The following PRKG2 variants were observed in gnomAD, a reference collection of about 807,000 sequenced individuals.
PRKG2 encodes protein kinase cGMP-dependent 2.
Under a neutral mutation model 97.2 loss-of-function variants are expected in PRKG2, and 33 were observed. That is an observed-to-expected ratio of 0.34 (90% CI 0.26 to 0.45). The LOEUF is 0.45. PRKG2 is among the 20% of genes least tolerant of loss of function. PRKG2 has a pLI of 1.00. For synonymous variants in PRKG2, 330 were observed against 321.8 expected, an observed-to-expected ratio of 1.03 and a Z score of -0.27; for missense variants, 638 against 900.0, an observed-to-expected ratio of 0.71 and a Z score of 3.73.
chr4:81,200,409 G>A (rs1013094777), intron 2 of PRKG2, among the ~76,000 whole-genome samples: 1 of 152,064 alleles, frequency 6.6e-6, no homozygotes, highest in Admixed American at 6.6e-5. Flanking sequence ...AGTAGGCATC[G>A]ATGCAATGGG....
chr4:81,200,953 A>C (rs1400315014), intron 2 of PRKG2, among the ~76,000 whole-genome samples: 5 of 152,194 alleles, frequency 3.3e-5, no homozygotes, highest in African/African-American at 1.2e-4. Context: ...ACAAAGAGCT[A>C]TGATATACTG....
chr4:81,126,388 A>ACTGGGATTATAAT (rs1745563531), intron 14 of PRKG2, among the ~76,000 whole-genome samples: 1 of 152,188 alleles, frequency 6.6e-6, no homozygotes, highest in Admixed American at 6.5e-5. Context: ...TTGGGTATAT[A>ACTGGGATTATAAT]CCCAGTAATG....
At chr4:81,187,820 AACAG>A (rs1370604408) in intron 2 of PRKG2, among the ~76,000 whole-genome samples, 1 of 152,264 alleles carries the variant, frequency 6.6e-6, no homozygotes, top group South Asian at 2.1e-4. Context: ...ATACACCAAT[AACAG>A]ACAAACAGAA....
chr4:81,134,994 T>A (rs1420198413), intron 14 of PRKG2, among the ~76,000 whole-genome samples, 161 bp downstream of exon 14: 1 of 152,168 alleles, frequency 6.6e-6, no homozygotes, highest in African/African-American at 2.4e-5. Context: ...AATAATGTAC[T>A]CATAACATTG....
rs1454642992 is a variant in PRKG2, at chr4:81,204,736, C to T, written c.312G>A (p.Glu104=). Residue 104 remains glutamate, a synonymous_variant, in exon 2 of 19, where the codon GAG becomes GAA. Transcript: ENST00000264399. Reference sequence around the variant, plus strand: ...CCAATCCAGAGGTCTTCCGGTGGACCTCAAGAGGCACTTTATCTGGAGAGG... The same window carrying T: ...CCAATCCAGAGGTCTTCCGGTGGACTTCAAGAGGCACTTTATCTGGAGAGG... The part of the protein sequence containing the change: ...LQASPDKVPL[E]VHRKTSGLVS... The T allele has an allele frequency of 6.2e-7, 1 of 1,614,172 alleles. No homozygotes were observed. Among genetic ancestry groups the T allele is most frequent in the Admixed American group, 1.7e-5 (1 of 60,032 alleles).
intron 7 of PRKG2, 136 bp from the exon 8 acceptor site, chr4:81,152,190 T>C (rs1174391538): frequency 1.5e-6 from 1 of 651,972 alleles, no homozygotes; most frequent in Non-Finnish European, 2.6e-6. Flanking sequence ...TTTAATTTTA[T>C]GGTAATTAGG....
intron 3 of PRKG2, among the ~76,000 whole-genome samples, chr4:81,172,132 G>C (rs957332455): frequency 3.9e-5 from 6 of 151,968 alleles, no homozygotes; most frequent in Admixed American, 3.3e-4. Context: ...CTAGTGCATA[G>C]TAAATGCTGT....
At chr4:81,109,070 G>C (rs1005662668) in intron 15 of PRKG2, among the ~76,000 whole-genome samples, 1 of 152,236 alleles carries the variant, frequency 6.6e-6, no homozygotes, top group South Asian at 2.1e-4. Context: ...AATAGAATTC[G>C]TTGTGCCCAA....
chr4:81,167,221 T>C lies in PRKG2; in HGVS notation c.852A>G (p.Val284=). 1 of 1,586,404 alleles carries C rather than the reference T, an allele frequency of 6.3e-7. No individual in the cohort carries two copies. The highest frequency in any genetic ancestry group is 8.6e-7 in the Non-Finnish European group (1 of 1,165,450). The change falls in exon 6 of 19, where the codon GTA becomes GTG. Residue 284 remains valine (V), a synonymous_variant. Coordinates refer to ENST00000264399, the MANE Select transcript of PRKG2 (RefSeq NM_006259.3). ...DEQYRNFLRS[V]SLLKNLPEDK... ...CTTCAGGTAAATTCTTCAGCAAGGA[T>C]ACACTTCAAAATTAAAAAGAAACCT...
chr4:81,149,031 T>G (rs889023842), intron 8 of PRKG2, 79 bp from the exon 9 acceptor site: 2 of 1,386,122 alleles, frequency 1.4e-6, no homozygotes, highest in African/African-American at 2.8e-5. Flanking sequence ...ATGTACTAAC[T>G]TTGTATGAAA....
chr4:81,092,004 G>T (rs1741587809), intron 18 of PRKG2, among the ~76,000 whole-genome samples: 1 of 151,900 alleles, frequency 6.6e-6, no homozygotes, highest in Admixed American at 6.6e-5. Flanking sequence ...TATTTTGGAG[G>T]TATTATGATA....
intron 1 of PRKG2, among the ~76,000 whole-genome samples, chr4:81,210,375 T>C (rs896409938): frequency 6.6e-6 from 1 of 151,792 alleles, no homozygotes; most frequent in African/African-American, 2.4e-5. Context: ...ACAACCCAAC[T>C]GAAAAATGGG....
intron 2 of PRKG2, among the ~76,000 whole-genome samples, chr4:81,194,300 T>C (rs753977698): frequency 3.3e-5 from 5 of 152,024 alleles, no homozygotes; most frequent in Non-Finnish European, 7.4e-5. Flanking sequence ...AGAGTGGAGT[T>C]GGAAAACGTC....
chr4:81,118,434 G>T (rs1343776828), intron 14 of PRKG2, among the ~76,000 whole-genome samples: 4 of 152,192 alleles, frequency 2.6e-5, no homozygotes, highest in African/African-American at 7.2e-5. Flanking sequence ...CAAAGTGGCT[G>T]AACCATTTGC....
intron 17 of PRKG2, 51 bp from the exon 18 acceptor site, chr4:81,092,503 A>AGGAAGGAAGGAG: frequency 9.1e-7 from 1 of 1,093,020 alleles, no homozygotes; most frequent in Non-Finnish European, 1.4e-6. Context: ...GAAGGAAGGA[A>AGGAAGGAAGGAG]GGAAGGAAGG....
chr4:81,175,447 G>A (rs1423443964), intron 2 of PRKG2: 4 of 152,152 alleles, frequency 2.6e-5, no homozygotes, highest in Non-Finnish European at 5.9e-5. Flanking sequence ...ATTTTAGGAA[G>A]AAGTAGACTA....
At position 81,175,040 on chromosome 4, in the gene PRKG2, CAAT is replaced by C. The variant is rs902802190; in HGVS notation, c.462-84_462-82del. On this transcript the variant is annotated intron_variant, in intron 2 of 18. Transcript: ENST00000264399. ...TTTAGATTCACTTTATTCTGATTCT[CAAT>C]AATATTATCTACAAACTTATAACTT... 10 of 1,297,378 alleles carry C rather than the reference CAAT, an allele frequency of 7.7e-6. No homozygotes were observed. In the African/African-American group the frequency reaches 1.0e-4, roughly 14 times the overall value. The allele number at this position is 1,297,378 out of a possible 1,614,324, so 80.4% of individuals were successfully genotyped here.
At chr4:81,215,869 C>T (rs1407223611), upstream of PRKG2, among the ~76,000 whole-genome samples, 1 of 151,912 alleles carries the variant, frequency 6.6e-6, no homozygotes, top group Non-Finnish European at 1.5e-5. Flanking sequence ...AATGCTCTCT[C>T]GTCACCTTTT....
chr4:81,140,964 T>TA (rs1747220379), intron 11 of PRKG2, among the ~76,000 whole-genome samples: 1 of 152,092 alleles, frequency 6.6e-6, no homozygotes, highest in Non-Finnish European at 1.5e-5. Context: ...AAACTTTGAC[T>TA]AGAATTGCCT....
Sources: allele counts gnomAD v4.1 joint callset (sites outside exome capture counted in the v4.1 genomes callset), GRCh38; gene constraint gnomAD v4.1.1; transcripts MANE v1.5; gene names NCBI Gene and HGNC (gene_info 2026-07-23, HGNC 2026-07-21).